STXBP5L: variants seen among roughly 807,000 people sequenced by gnomAD.
STXBP5L encodes the protein syntaxin binding protein 5L.
In STXBP5L, 65 loss-of-function variants were observed where a neutral mutation model predicts 144.5. That is an observed-to-expected ratio of 0.45 (90% CI 0.37 to 0.55). The LOEUF (loss-of-function observed/expected upper bound fraction) is 0.55, where lower values mean the gene tolerates loss of function less well. STXBP5L is among the 20% of genes least tolerant of loss of function. The probability of loss-of-function intolerance (pLI) is 0.00; values close to 1 mark genes in which losing one functional copy is unlikely to be tolerated. For missense variants in STXBP5L, 1,298 were observed against 1,405.5 expected (o/e 0.92, Z 1.22); for synonymous variants, 505 against 469.6 (o/e 1.08, Z -0.97).
chr3:121,318,316 A>G (rs2043851231), intron 19 of STXBP5L, among the ~76,000 whole-genome samples, 159 bp from the exon 20 acceptor site: 1 of 151,972 alleles, frequency 6.6e-6, no homozygotes, highest in African/African-American at 2.4e-5. Context: ...AAAAATTAAT[A>G]AAAATATTTT....
chr3:121,271,759 C>T lies in STXBP5L; in HGVS notation c.1959-8046C>T, dbSNP rs192333147. 7.2e-5 allele frequency among the ~76,000 whole-genome samples: 11 copies of T among 152,264 alleles called. No homozygotes were observed. In the East Asian group the frequency reaches 2.1e-3, roughly 29 times the overall value. On this transcript the variant is annotated intron_variant, in intron 18 of 26. Coordinates refer to ENST00000471454, the MANE Select transcript of STXBP5L (RefSeq NM_001308330.2). ...TCAATTAAAACTGTATTAGTCCATTCTCAAACTACTCTAAAGACATGTCTG... is the reference window on the plus strand; with the variant it reads ...TCAATTAAAACTGTATTAGTCCATTTTCAAACTACTCTAAAGACATGTCTG...
chr3:121,308,341 A>T (rs569438390), intron 19 of STXBP5L, among the ~76,000 whole-genome samples: 15 of 152,360 alleles, frequency 9.8e-5, no homozygotes, highest in African/African-American at 2.9e-4. Flanking sequence ...TTGTCAGGTA[A>T]ACAAAAACTG....
At chr3:121,047,610 C>T (rs978610842) in intron 5 of STXBP5L, among the ~76,000 whole-genome samples, 1 of 152,058 alleles carries the variant, frequency 6.6e-6, no homozygotes, top group Non-Finnish European at 1.5e-5. Context: ...TACGTAATGT[C>T]CTTCCTTGTC....
At chr3:121,178,754 G>T (rs1307536510) in intron 9 of STXBP5L, among the ~76,000 whole-genome samples, 1 of 152,064 alleles carries the variant, frequency 6.6e-6, no homozygotes, top group African/African-American at 2.4e-5. Flanking sequence ...ATTGAGAAGA[G>T]CCATATAGGC....
At chr3:121,105,303 G>T (rs1206348610) in intron 5 of STXBP5L, among the ~76,000 whole-genome samples, 1 of 152,068 alleles carries the variant, frequency 6.6e-6, no homozygotes, top group Non-Finnish European at 1.5e-5. Flanking sequence ...GGCTGAGGCA[G>T]GAGAATCGCT....
intron 3 of STXBP5L, among the ~76,000 whole-genome samples, chr3:120,985,818 C>A (rs969520773): frequency 3.3e-5 from 5 of 150,918 alleles, no homozygotes; most frequent in African/African-American, 1.2e-4. Context: ...TTTTTTTCTT[C>A]GTTCATCTAG....
chr3:121,174,271 A>G (rs77247236), intron 9 of STXBP5L, among the ~76,000 whole-genome samples: 6 of 152,208 alleles, frequency 3.9e-5, no homozygotes, highest in East Asian at 1.9e-4. Context: ...AACTTCTATG[A>G]TAGATTTGTA....
In STXBP5L at chr3:121,254,882, C is replaced by T. The variant is rs1389264712; in HGVS notation, c.1442-13C>T. 3.8e-6 allele frequency: 6 copies of T among 1,573,964 alleles called. No homozygotes were observed. The highest frequency in any genetic ancestry group is 1.9e-5 in the Admixed American group (1 of 51,892). ...TTTAAATTAGAAGATAACTGTGCTTCGATGTCTTATAGTAACTCTGCAGAT... is the reference window on the plus strand; with the variant it reads ...TTTAAATTAGAAGATAACTGTGCTTTGATGTCTTATAGTAACTCTGCAGAT... On this transcript the variant is annotated splice_polypyrimidine_tract_variant and intron_variant, in intron 15 of 26. Transcript: ENST00000471454.
At chr3:121,152,778 G>A (rs1468515163) in intron 8 of STXBP5L, among the ~76,000 whole-genome samples, 1 of 152,018 alleles carries the variant, frequency 6.6e-6, no homozygotes, top group African/African-American at 2.4e-5. Flanking sequence ...GGGCCCTCTT[G>A]TGGCATCTTA....
chr3:121,303,813 G>A (rs531282067), intron 19 of STXBP5L, among the ~76,000 whole-genome samples: 118 of 152,066 alleles, frequency 7.8e-4, no homozygotes, highest in Non-Finnish European at 1.5e-3. Context: ...TCACTCATAG[G>A]TGGGAATTGA....
chr3:121,294,728 A>T (rs1310323664), intron 19 of STXBP5L, among the ~76,000 whole-genome samples: 1 of 152,076 alleles, frequency 6.6e-6, no homozygotes, highest in African/African-American at 2.4e-5. Context: ...TTTCAGGAAG[A>T]AGAGGAGTTG....
chr3:121,347,904 CAG>C (rs1190288779), intron 20 of STXBP5L, among the ~76,000 whole-genome samples: 3 of 152,158 alleles, frequency 2.0e-5, no homozygotes, highest in African/African-American at 7.2e-5. Flanking sequence ...CATCTGCAAA[CAG>C]GGACAATTTG....
chr3:120,955,122 C>G (rs1396838114), intron 3 of STXBP5L, 85 bp downstream of exon 3: 6 of 951,702 alleles, frequency 6.3e-6, no homozygotes, highest in Non-Finnish European at 9.4e-6. Flanking sequence ...ATATTTATGA[C>G]CAAATAAAGT....
In STXBP5L at chr3:121,239,037, C is replaced by T. The variant is rs1434431567; in HGVS notation, c.1251C>T (p.Tyr417=). 6.2e-7 allele frequency: 1 copy of T among 1,609,854 alleles called. No homozygotes were observed. Among genetic ancestry groups the T allele is most frequent in the Non-Finnish European group, 8.5e-7 (1 of 1,178,134 alleles). Residue 417 remains tyrosine (Y), a synonymous_variant, in exon 13 of 27, where the codon TAC becomes TAT. Transcript: ENST00000471454. The part of the protein sequence containing the change: ...IHESPVTCTA[Y]FADCPPDLIL... ...AATCACCAGTTACATGCACAGCATA[C>T]TTTGCAGATTGTCCTCCGGATTTGA... is the stretch of plus-strand genomic sequence containing the variant.
At chr3:121,105,569 G>T (rs2043662279) in intron 5 of STXBP5L, among the ~76,000 whole-genome samples, 1 of 152,116 alleles carries the variant, frequency 6.6e-6, no homozygotes, top group Middle Eastern at 3.2e-3. Flanking sequence ...CGTTGGCGTG[G>T]ATGTGGTGAA....
intron 10 of STXBP5L, among the ~76,000 whole-genome samples, chr3:121,212,671 T>A (rs548590500): frequency 6.6e-6 from 1 of 152,318 alleles, no homozygotes; most frequent in South Asian, 2.1e-4. Flanking sequence ...TTGTTCTTTT[T>A]GCTTAGCATT....
chr3:121,353,897 G>A (rs575957249), intron 20 of STXBP5L, among the ~76,000 whole-genome samples: 1 of 152,234 alleles, frequency 6.6e-6, no homozygotes, highest in South Asian at 2.1e-4. Context: ...GTTCTCATTG[G>A]TTTCAAAGAA....
intron 4 of STXBP5L, 61 bp from the exon 5 acceptor site, chr3:121,045,374 T>G: frequency 6.8e-7 from 1 of 1,467,052 alleles, no homozygotes; most frequent in South Asian, 1.3e-5. Flanking sequence ...AGCTTGTTTG[T>G]GATTAAAAAA....
chr3:121,135,750 T>TGTGTGGTCTGGTTCCG (rs1475326382), intron 7 of STXBP5L, among the ~76,000 whole-genome samples: 1 of 152,174 alleles, frequency 6.6e-6, no homozygotes. Flanking sequence ...GTCTGGTTCC[T>TGTGTGGTCTGGTTCCG]AACAGGCCAC....
Sources: gnomAD v4.1 joint callset for allele counts (sites outside exome capture counted in the v4.1 genomes callset) on GRCh38, gnomAD v4.1.1 for gene constraint, MANE v1.5 for transcripts, NCBI Gene and HGNC (gene_info 2026-07-23, HGNC 2026-07-21) for gene names.